PTGS1: variants seen among roughly 807,000 people sequenced by gnomAD.
The protein encoded by PTGS1 is prostaglandin G/H synthase 1.
Under a neutral mutation model 63.0 loss-of-function variants are expected in PTGS1, and 40 were observed. That is an observed-to-expected ratio of 0.63 (90% CI 0.49 to 0.83). The LOEUF (loss-of-function observed/expected upper bound fraction) is 0.83. PTGS1 is among the 40% of genes least tolerant of loss of function. PTGS1 has a pLI of 0.00. For synonymous variants in PTGS1, 298 were observed against 301.9 expected (o/e 0.99, Z 0.13); for missense variants, 709 against 786.5 (o/e 0.90, Z 1.18).
chr9:122,375,064 G>T (rs1396402405), intron 2 of PTGS1, among the ~76,000 whole-genome samples: 1 of 152,188 alleles, frequency 6.6e-6, no homozygotes, highest in East Asian at 1.9e-4. Context: ...GGGCTGTGAT[G>T]GTCAGGCTGT....
At chr9:122,371,628 G>A (rs1413231546) in intron 2 of PTGS1, 2 of 1,430,532 alleles carry the variant, frequency 1.4e-6, no homozygotes. Flanking sequence ...TCTTTGGGAG[G>A]AAGCCGCAGG....
At chr9:122,391,428 CATATATATAT>C (rs5900525) in intron 10 of PTGS1, among the ~76,000 whole-genome samples, 2 of 99,626 alleles carry the variant, frequency 2.0e-5, no homozygotes, top group African/African-American at 4.0e-5. Flanking sequence ...TATATATATA[CATATATATAT>C]ATATATATTT....
intron 8 of PTGS1, among the ~76,000 whole-genome samples, chr9:122,385,257 C>T (rs1276784860): frequency 4.6e-5 from 7 of 152,214 alleles, no homozygotes; most frequent in Admixed American, 1.3e-4. Flanking sequence ...AGCGCCTGGC[C>T]GCACTGATAT....
intron 10 of PTGS1, 115 bp downstream of exon 10, chr9:122,390,460 CTT>C (rs1838152122): frequency 8.1e-7 from 1 of 1,232,836 alleles, no homozygotes; most frequent in Non-Finnish European, 1.1e-6. Flanking sequence ...AACAACCAGA[CTT>C]ATAATGGGCG....
intron 7 of PTGS1, among the ~76,000 whole-genome samples, chr9:122,383,196 GTTTTTTTTTT>G (rs1837633086): frequency 7.1e-6 from 1 of 141,288 alleles, no homozygotes; most frequent in Non-Finnish European, 1.5e-5. Flanking sequence ...TTTTTTTTAA[GTTTTTTTTTT>G]CTTTTTTTTT....
intron 7 of PTGS1, 135 bp from the exon 8 acceptor site, chr9:122,383,374 G>C (rs1189986780): frequency 2.5e-6 from 3 of 1,215,420 alleles, no homozygotes; most frequent in Non-Finnish European, 3.4e-6. Context: ...CTGATTTTAA[G>C]AGACATTTTG....
chr9:122,380,351 G>A (rs888852998), intron 5 of PTGS1, among the ~76,000 whole-genome samples: 1 of 152,062 alleles, frequency 6.6e-6, no homozygotes, highest in African/African-American at 2.4e-5. Flanking sequence ...TGTAGTCCCA[G>A]CTACTCAGGA....
At chr9:122,371,309 T>A (rs1412414827) in intron 2 of PTGS1, 37 bp downstream of exon 2, 1 of 1,599,878 alleles carries the variant, frequency 6.3e-7, no homozygotes, top group South Asian at 1.1e-5. Context: ...GAATCCCCGG[T>A]CTTGCGCCCC....
intron 9 of PTGS1, among the ~76,000 whole-genome samples, chr9:122,389,398 G>A (rs553246633): frequency 7.9e-5 from 12 of 152,108 alleles, no homozygotes; most frequent in African/African-American, 2.2e-4. Flanking sequence ...TGATCCACCC[G>A]CCTCGGCCTC....
rs1838182065 is a variant in PTGS1 at position 122,390,904 on chromosome 9, A to G, written c.1444+559A>G. ...AGAGCGAGACACCATCTCAAAAAAA[A>G]GAAAGTACAAAGGCATAGAGGTCAG... On this transcript the variant is annotated intron_variant, in intron 10 of 10. Transcript: ENST00000362012. Among the ~76,000 whole-genome samples, 4 of 152,142 alleles carry G rather than the reference A, an allele frequency of 2.6e-5. No homozygotes were observed. The South Asian group carries it at 8.3e-4, about 32-fold the overall frequency.
intron 10 of PTGS1, among the ~76,000 whole-genome samples, chr9:122,391,715 G>T (rs72769736): frequency 0.016 from 2,349 of 151,130 alleles, 18 homozygotes; most frequent in Non-Finnish European, 0.024. Context: ...ATGACAAATG[G>T]TCCCCGGGGG....
upstream of PTGS1, chr9:122,370,965 G>T: frequency 6.8e-7 from 1 of 1,479,102 alleles, no homozygotes; most frequent in Non-Finnish European, 9.1e-7. Context: ...ACAGCTGGAG[G>T]GAGGAGCGGG....
chr9:122,378,051 T>C, intron 3 of PTGS1, 36 bp downstream of exon 3: 1 of 1,568,618 alleles, frequency 6.4e-7, no homozygotes, highest in Non-Finnish European at 8.7e-7. Flanking sequence ...CCTTCCGTCT[T>C]GAGCCCTTCT....
At chr9:122,376,324 A>C (rs935021391) in intron 2 of PTGS1, among the ~76,000 whole-genome samples, 19 of 148,844 alleles carry the variant, frequency 1.3e-4, no homozygotes, top group Admixed American at 5.3e-4. Context: ...AACTATTTGC[A>C]TGATTCTTGT....
rs537972706 is a variant in PTGS1, at chr9:122,392,662, G to T, written c.*118G>T. 1.6e-5 allele frequency: 14 copies of T among 871,398 alleles called. No homozygotes were observed. The East Asian group carries it at 3.4e-4, about 21-fold the overall frequency. The allele number at this position is 871,398 out of a possible 1,614,324, so 54.0% of individuals were successfully genotyped here. A position where few individuals can be genotyped will look rare whatever the true frequency, so the allele number is the denominator to read the frequency against. ...CTGGTTTGGCATGGTGAGTGTTGGGGTTGACATTTAGAACTTTAAGTCTCA... is the reference window on the plus strand; with the variant it reads ...CTGGTTTGGCATGGTGAGTGTTGGGTTTGACATTTAGAACTTTAAGTCTCA... On this transcript the variant is annotated 3_prime_UTR_variant, in exon 11 of 11. Coordinates refer to ENST00000362012, the MANE Select transcript of PTGS1 (RefSeq NM_000962.4).
Position 122,386,499 on chromosome 9 carries a change from T to C in PTGS1, c.1063T>C (p.Phe355Leu). 6.2e-7 allele frequency: 1 copy of C among 1,614,166 alleles called. No homozygotes were observed. Among genetic ancestry groups the C allele is most frequent in the Non-Finnish European group, 8.5e-7 (1 of 1,180,032 alleles). The change falls in exon 9 of 11, where the codon TTC (phenylalanine) becomes CTC (leucine). Residue 355 changes from phenylalanine to leucine, a missense_variant. Transcript: ENST00000362012. ...GTACGTGCAGCAGCTGAGTGGCTAT[T>C]TCCTGCAGCTGAAATTTGACCCAGA... is the stretch of plus-strand genomic sequence containing the variant. ...EEYVQQLSGY[F>L]LQLKFDPELL...
intron 9 of PTGS1, among the ~76,000 whole-genome samples, chr9:122,388,206 T>A (rs1035890389): frequency 1.3e-5 from 2 of 152,228 alleles, no homozygotes; most frequent in African/African-American, 4.8e-5. Context: ...AAGATTTTTT[T>A]TCTTTTTTCT....
intron 9 of PTGS1, 122 bp downstream of exon 9, chr9:122,386,854 A>G: frequency 8.5e-7 from 1 of 1,178,080 alleles, no homozygotes; most frequent in Non-Finnish European, 1.2e-6. Context: ...GGCAGTTGTA[A>G]GCATTCCTGT....
upstream of PTGS1, chr9:122,370,949 G>A (rs1836756745): frequency 1.4e-6 from 2 of 1,402,394 alleles, no homozygotes; most frequent in Non-Finnish European, 1.9e-6. Context: ...GCGGGCAGCC[G>A]AGGTGACAGC....
Sources: allele counts gnomAD v4.1 joint callset (sites outside exome capture counted in the v4.1 genomes callset), GRCh38; gene constraint gnomAD v4.1.1; transcripts MANE v1.5; gene names NCBI Gene and HGNC (gene_info 2026-07-23, HGNC 2026-07-21).